The following ASAP1 variants were observed in gnomAD, a reference collection of about 807,000 sequenced individuals.
The protein encoded by ASAP1 is ArfGAP with SH3 domain, ankyrin repeat and PH domain 1.
ASAP1 carries 43 observed loss-of-function variants against 145.2 expected under a neutral mutation model. That is an observed-to-expected ratio of 0.30 (90% CI 0.23 to 0.38). The LOEUF (loss-of-function observed/expected upper bound fraction) is 0.38. ASAP1 is among the 10% of genes least tolerant of loss of function. The probability of loss-of-function intolerance (pLI) is 1.00; values close to 1 mark genes in which losing one functional copy is unlikely to be tolerated. For synonymous variants in ASAP1, 546 were observed against 515.5 expected (o/e 1.06, Z -0.80); for missense variants, 1,018 against 1,355.3 (o/e 0.75, Z 3.91).
intron 23 of ASAP1, 163 bp downstream of exon 23, chr8:130,115,465 A>G: frequency 1.6e-6 from 1 of 623,968 alleles, no homozygotes; most frequent in South Asian, 2.0e-5. Flanking sequence ...ACCTTAATAT[A>G]GCTGTTAAAT....
Position 130,245,097 on chromosome 8 carries a change from T to C in ASAP1, c.187-8103A>G, listed in dbSNP as rs191673771. ...AGAGGGACCTGGCAGCCGCAGCTTATATGAAAGGAAGAGGTAAAGATGTTA... is the reference window on the plus strand; with the variant it reads ...AGAGGGACCTGGCAGCCGCAGCTTACATGAAAGGAAGAGGTAAAGATGTTA... On this transcript the variant is annotated intron_variant, in intron 3 of 29. Transcript: ENST00000518721. Among the ~76,000 whole-genome samples the C allele has an allele frequency of 8.5e-5, 13 of 152,204 alleles. No individual in the cohort carries two copies. The East Asian group carries it at 2.1e-3, about 25-fold the overall frequency.
chr8:130,255,315 C>G (rs1304373787), intron 3 of ASAP1, among the ~76,000 whole-genome samples: 1 of 152,168 alleles, frequency 6.6e-6, no homozygotes, highest in African/African-American at 2.4e-5. Context: ...AGCCAGAACT[C>G]TACCACTCTA....
At chr8:130,314,347 C>T (rs1804859618) in intron 3 of ASAP1, among the ~76,000 whole-genome samples, 1 of 152,168 alleles carries the variant, frequency 6.6e-6, no homozygotes, top group African/African-American at 2.4e-5. Flanking sequence ...AGCTGTATTG[C>T]TAGGCATGGC....
chr8:130,442,381 T>C (rs1830515253), intron 1 of ASAP1, among the ~76,000 whole-genome samples: 1 of 152,320 alleles, frequency 6.6e-6, no homozygotes, highest in South Asian at 2.1e-4. Flanking sequence ...GATCTTTTTC[T>C]TTCCAAACTG....
intron 3 of ASAP1, among the ~76,000 whole-genome samples, chr8:130,344,469 G>A (rs368638780): frequency 3.2e-4 from 49 of 152,134 alleles, no homozygotes; most frequent in African/African-American, 1.1e-3. Context: ...AAAAAATCAG[G>A]GGAAGGAGGC....
At chr8:130,291,421 G>C (rs6991810) in intron 3 of ASAP1, among the ~76,000 whole-genome samples, 3 of 152,202 alleles carry the variant, frequency 2.0e-5, no homozygotes, top group African/African-American at 7.2e-5. Context: ...CCTCACTAAG[G>C]GGAAAGGTCT....
chr8:130,088,389 C>T (rs768649095), intron 25 of ASAP1, among the ~76,000 whole-genome samples: 32 of 152,088 alleles, frequency 2.1e-4, no homozygotes, highest in Non-Finnish European at 3.4e-4. Flanking sequence ...CTTGGCCTCC[C>T]GAGACAAGAT....
chr8:130,433,908 C>T (rs796640698), intron 1 of ASAP1, among the ~76,000 whole-genome samples: 13 of 152,322 alleles, frequency 8.5e-5, no homozygotes, highest in African/African-American at 3.1e-4. Context: ...GCAGACTCTT[C>T]CAAGGCCACA....
intron 1 of ASAP1, among the ~76,000 whole-genome samples, chr8:130,433,632 G>A (rs1445830103): frequency 6.6e-6 from 1 of 152,184 alleles, no homozygotes; most frequent in Non-Finnish European, 1.5e-5. Context: ...CATATAGCAG[G>A]ATATGCAGGG....
intron 24 of ASAP1, among the ~76,000 whole-genome samples, chr8:130,096,830 GA>G (rs746401627): frequency 1.3e-5 from 2 of 151,866 alleles, no homozygotes; most frequent in Admixed American, 6.6e-5. Context: ...TCCATGATCA[GA>G]AAAAGTCCTT....
intron 3 of ASAP1, among the ~76,000 whole-genome samples, chr8:130,312,783 C>T (rs1823438701): frequency 6.6e-6 from 1 of 152,148 alleles, no homozygotes; most frequent in Non-Finnish European, 1.5e-5. Context: ...CAGAAATTTT[C>T]CCCCCTAGAA....
intron 3 of ASAP1, among the ~76,000 whole-genome samples, chr8:130,337,797 C>T (rs1448114393): frequency 6.6e-6 from 1 of 152,170 alleles, no homozygotes; most frequent in African/African-American, 2.4e-5. Flanking sequence ...TCTCTTAAGT[C>T]AGAACAGAGA....
chr8:130,410,553 C>T (rs1039514047), intron 1 of ASAP1, among the ~76,000 whole-genome samples: 1 of 152,236 alleles, frequency 6.6e-6, no homozygotes, highest in African/African-American at 2.4e-5. Context: ...TCAGGGTTCC[C>T]CTGGGAAGAA....
Position 130,303,082 on chromosome 8 carries a change from G to A in ASAP1, c.186+54935C>T, listed in dbSNP as rs913412858. ...GAAGGGAAAACCACAAACACCTGGA[G>A]GTGCCTGTGTATGCTGAGCCTGGAG... On this transcript the variant is annotated intron_variant, in intron 3 of 29. Transcript: ENST00000518721. Among the ~76,000 whole-genome samples the A allele has an allele frequency of 4.6e-5, 7 of 152,336 alleles. 1 individual carries two copies. The South Asian group carries it at 1.2e-3, about 27-fold the overall frequency.
In ASAP1 at chr8:130,262,287, T is replaced by C. The variant is rs189208848; in HGVS notation, c.187-25293A>G. On this transcript the variant is annotated intron_variant, in intron 3 of 29. Transcript: ENST00000518721. ...GCAGGAGCCTGTAATCCCAGCTACT[T>C]GGGAGGCTGAGGCAGGACAATAGCT... Among the ~76,000 whole-genome samples the C allele has an allele frequency of 2.9e-4, 43 of 146,202 alleles. No individual in the cohort carries two copies. The East Asian group carries it at 7.6e-3, about 26-fold the overall frequency.
chr8:130,369,157 TATC>T (rs1222716788), intron 2 of ASAP1, among the ~76,000 whole-genome samples: 1 of 152,260 alleles, frequency 6.6e-6, no homozygotes, highest in Non-Finnish European at 1.5e-5. Context: ...GAGTATTCCT[TATC>T]TGAAATGCTT....
At chr8:130,171,289 C>T (rs1317029971) in intron 9 of ASAP1, among the ~76,000 whole-genome samples, 2 of 152,086 alleles carry the variant, frequency 1.3e-5, no homozygotes, top group African/African-American at 4.8e-5. Flanking sequence ...TGTAGTAGTA[C>T]GTTCCCATGT....
intron 3 of ASAP1, among the ~76,000 whole-genome samples, chr8:130,296,793 G>A (rs28584026): frequency 1.2e-4 from 19 of 152,006 alleles, no homozygotes; most frequent in Admixed American, 3.3e-4. Context: ...TACTTTCCAA[G>A]CAGGTAAAAT....
intron 3 of ASAP1, among the ~76,000 whole-genome samples, chr8:130,352,731 T>C (rs548978182): frequency 6.6e-5 from 10 of 152,214 alleles, no homozygotes; most frequent in African/African-American, 2.4e-4. Flanking sequence ...GATAGTAGGG[T>C]GAAAAAAGGT....
Sources: gnomAD v4.1 joint callset for allele counts (sites outside exome capture counted in the v4.1 genomes callset) on GRCh38, gnomAD v4.1.1 for gene constraint, MANE v1.5 for transcripts, NCBI Gene and HGNC (gene_info 2026-07-23, HGNC 2026-07-21) for gene names.